DNAH12: variants seen among roughly 807,000 people sequenced by gnomAD.
DNAH12 encodes the protein axonemal beta dynein heavy chain 12.
Under a neutral mutation model 371.5 loss-of-function variants are expected in DNAH12, and 285 were observed. The observed-to-expected ratio is 0.77, with a 90% CI of 0.70 to 0.85. The LOEUF (loss-of-function observed/expected upper bound fraction) is 0.85. Ranked by LOEUF, DNAH12 falls within the 40% of genes least tolerant of loss-of-function variation. The pLI is 0.00. For missense variants in DNAH12, 3,611 were observed against 3,689.4 expected (o/e 0.98, Z 0.55); for synonymous variants, 1,200 against 1,213.0 (o/e 0.99, Z 0.22).
Position 57,504,082 on chromosome 3 carries a change from A to C in DNAH12, c.1020T>G (p.Tyr340Ter), listed in dbSNP as rs1306390184. ...TATCTTCCAAATCTTGAAAGGTAGG[A>C]TAAAATTCCATTTTGTCGTCATCAA... is the stretch of plus-strand genomic sequence containing the variant. ...LTFDDDKMEF[Y>*]PTFQDLEDNV... is the part of the protein sequence containing the mutation. The change falls in exon 9 of 74, where the codon TAT (tyrosine) becomes TAG (stop). Residue 340 changes from tyrosine (Y) to a stop codon, truncating the protein, a stop_gained. Transcript: ENST00000495027. LOFTEE classifies it high-confidence loss of function. The C allele has an allele frequency of 6.2e-7, 1 of 1,614,080 alleles. No homozygotes were observed. The highest frequency in any genetic ancestry group is 1.1e-5 in the South Asian group (1 of 91,074).
intron 58 of DNAH12, among the ~76,000 whole-genome samples, chr3:57,362,523 C>T (rs1475087277): frequency 3.3e-5 from 5 of 152,206 alleles, no homozygotes; most frequent in African/African-American, 1.2e-4. Flanking sequence ...TCCTCTCCAG[C>T]ACCTGTTGTT....
intron 37 of DNAH12, among the ~76,000 whole-genome samples, chr3:57,417,534 A>G (rs2064418213): frequency 6.6e-6 from 1 of 152,198 alleles, no homozygotes; most frequent in African/African-American, 2.4e-5. Flanking sequence ...CCAACTAAAA[A>G]CATTCATAGA....
chr3:57,455,402 T>TA (rs1193056669), intron 22 of DNAH12, among the ~76,000 whole-genome samples: 2 of 148,670 alleles, frequency 1.3e-5, no homozygotes, highest in African/African-American at 5.0e-5. Context: ...CCATCTCTAC[T>TA]AAAAATAAAA....
intron 37 of DNAH12, among the ~76,000 whole-genome samples, chr3:57,418,220 T>A (rs1451498781): frequency 6.6e-6 from 1 of 151,388 alleles, no homozygotes; most frequent in African/African-American, 2.4e-5. Flanking sequence ...TTTGTACTTA[T>A]TTAAAAGTAT....
chr3:57,421,785 A>AT, intron 35 of DNAH12, 79 bp from the exon 36 acceptor site: 1 of 1,455,576 alleles, frequency 6.9e-7, no homozygotes, highest in South Asian at 1.2e-5. Context: ...AAAATTCAAT[A>AT]TATTAGGATA....
rs2061243699 is a variant in DNAH12, at chr3:57,296,850, A to C, written c.11529T>G (p.Phe3843Leu). The C allele has an allele frequency of 6.4e-7, 1 of 1,551,410 alleles. No homozygotes were observed. The highest frequency in any genetic ancestry group is 8.7e-7 in the Non-Finnish European group (1 of 1,146,950). Reference sequence around the variant, plus strand: ...TGACTTTAAGGAGTTACTATACCTCAAATTCATATCCTAGCAAATCAATAG... The same window carrying C: ...TGACTTTAAGGAGTTACTATACCTCCAATTCATATCCTAGCAAATCAATAG... The part of the protein sequence containing the change: ...TTPIDLLGYE[F>L]EVIPSDTSDT... The change falls in exon 71 of 74, where the codon TTT (phenylalanine) becomes TTG (leucine). Residue 3843 changes from phenylalanine (F) to leucine (L), a missense_variant. Around this residue, in one of 3 missense-constraint regions of DNAH12, gnomAD observed 2,266 missense variants for 2,236.9 expected, o/e 1.01. Transcript: ENST00000495027.
chr3:57,336,513 C>T (rs766939298), intron 60 of DNAH12, among the ~76,000 whole-genome samples: 1 of 152,000 alleles, frequency 6.6e-6, no homozygotes, highest in South Asian at 2.1e-4. Flanking sequence ...GAGATATTTA[C>T]TTATTTCTTT....
At chr3:57,483,570 A>G in intron 12 of DNAH12, 59 bp from the exon 13 acceptor site, 2 of 1,462,288 alleles carry the variant, frequency 1.4e-6, no homozygotes, top group South Asian at 1.3e-5. Context: ...CATATTCAAT[A>G]AATGTGTGTT....
intron 70 of DNAH12, among the ~76,000 whole-genome samples, chr3:57,298,228 C>G (rs1473965637): frequency 6.6e-6 from 1 of 152,198 alleles, no homozygotes; most frequent in Non-Finnish European, 1.5e-5. Flanking sequence ...CCTGGCCAGT[C>G]ATACTTCCAG....
chr3:57,456,684 G>T (rs1227779506), intron 22 of DNAH12, among the ~76,000 whole-genome samples: 1 of 152,132 alleles, frequency 6.6e-6, no homozygotes, highest in African/African-American at 2.4e-5. Flanking sequence ...TAATGTGCAG[G>T]ATTGTTTGCC....
In DNAH12 at chr3:57,359,559, C is replaced by CAAA. The variant is rs1268515074; in HGVS notation, c.9361-2214_9361-2212dup. ...GGGCAACAAGAGCGAAACTCCATCT[C>CAAA]AAAAAAAAAAAAAAAAAAAAAGAAA... On this transcript the variant is annotated intron_variant, in intron 58 of 73. Coordinates refer to ENST00000495027, the MANE Select transcript of DNAH12 (RefSeq NM_001366028.2). 4.1e-3 allele frequency among the ~76,000 whole-genome samples: 293 copies of CAAA among 71,832 alleles called. 4 individuals are homozygous for CAAA. Among genetic ancestry groups the CAAA allele is most frequent in the African/African-American group, 9.1e-3 (208 of 22,820 alleles). The allele number at this position is 71,832 out of a possible 152,430, so 47.1% of individuals were successfully genotyped here. A position where few individuals can be genotyped will look rare whatever the true frequency, so the allele number is the denominator to read the frequency against.
chr3:57,319,758 G>A (rs1463416172), intron 65 of DNAH12, among the ~76,000 whole-genome samples: 4 of 127,918 alleles, frequency 3.1e-5, no homozygotes, highest in Non-Finnish European at 6.8e-5. Context: ...TTTTTTTTTT[G>A]TATTTTTAGT....
intron 4 of DNAH12, among the ~76,000 whole-genome samples, chr3:57,516,433 T>C (rs895396476): frequency 6.6e-5 from 10 of 152,138 alleles, no homozygotes; most frequent in African/African-American, 2.4e-4. Flanking sequence ...GGCTGACCTC[T>C]GTCTAGCAAT....
At chr3:57,427,352 T>C (rs779942327) in intron 34 of DNAH12, among the ~76,000 whole-genome samples, 1 of 152,164 alleles carries the variant, frequency 6.6e-6, no homozygotes, top group Admixed American at 6.5e-5. Context: ...TCCAAGTCCT[T>C]GTAACTGTCA....
At chr3:57,443,892 C>T (rs1229377640) in intron 29 of DNAH12, among the ~76,000 whole-genome samples, 1 of 151,964 alleles carries the variant, frequency 6.6e-6, no homozygotes, top group Non-Finnish European at 1.5e-5. Flanking sequence ...TATTGTAAAT[C>T]ACAAGATAGA....
At chr3:57,314,024 G>A (rs573036221) in intron 66 of DNAH12, among the ~76,000 whole-genome samples, 2 of 152,272 alleles carry the variant, frequency 1.3e-5, no homozygotes, top group Admixed American at 1.3e-4. Flanking sequence ...GATACTTTGA[G>A]CTACCCAATA....
At chr3:57,304,029 A>G (rs1000784603) in intron 69 of DNAH12, among the ~76,000 whole-genome samples, 2 of 151,600 alleles carry the variant, frequency 1.3e-5, no homozygotes, top group African/African-American at 4.8e-5. Context: ...TCCTGGCTCA[A>G]AAATCTCCCC....
chr3:57,465,954 G>A (rs1164291669), intron 17 of DNAH12, among the ~76,000 whole-genome samples: 1 of 152,116 alleles, frequency 6.6e-6, no homozygotes, highest in African/African-American at 2.4e-5. Flanking sequence ...TATGAAGGTT[G>A]ATGAGAGTAT....
intron 60 of DNAH12, among the ~76,000 whole-genome samples, chr3:57,339,771 A>G (rs1304349613): frequency 6.6e-6 from 1 of 152,182 alleles, no homozygotes; most frequent in Non-Finnish European, 1.5e-5. Context: ...AATTGATTAA[A>G]AAAAGAAGTT....
Sources: gnomAD v4.1 joint callset for allele counts (sites outside exome capture counted in the v4.1 genomes callset) on GRCh38, gnomAD v4.1.1 for gene constraint, gnomAD v4.1.1 regional missense constraint, MANE v1.5 for transcripts, NCBI Gene and HGNC (gene_info 2026-07-23, HGNC 2026-07-21) for gene names.